The following FAM135A variants were observed in gnomAD, a reference collection of about 807,000 sequenced individuals.
FAM135A encodes family with sequence similarity 135 member A, also known as protein FAM135A.
Under a neutral mutation model 146.8 loss-of-function variants are expected in FAM135A, and 79 were observed. The ratio of observed to expected loss-of-function variants is 0.54; its 90% CI spans 0.45 to 0.65. The LOEUF is 0.65. Among genes scored for constraint, FAM135A ranks in the 30% least tolerant of loss-of-function variants. FAM135A has a pLI of 0.00. For synonymous variants in FAM135A, 562 were observed against 603.6 expected (o/e 0.93, Z 1.01); for missense variants, 1,623 against 1,758.2 (o/e 0.92, Z 1.38).
Position 70,526,027 on chromosome 6 carries a change from A to G in FAM135A, c.2943A>G (p.Ser981=). 4.3e-6 allele frequency: 7 copies of G among 1,612,042 alleles called. No homozygotes were observed. Among genetic ancestry groups the G allele is most frequent in the Non-Finnish European group, 5.9e-6 (7 of 1,179,282 alleles). Residue 981 remains serine, a synonymous_variant, in exon 15 of 22, where the codon TCA becomes TCG. Transcript: ENST00000418814. Reference sequence around the variant, plus strand: ...GTTTAGGCACTCCTTGTGTCATTTCAGGTTCCATTTCTAGTAATACAGATG... The same window carrying G: ...GTTTAGGCACTCCTTGTGTCATTTCGGGTTCCATTTCTAGTAATACAGATG... ...LICLGTPCVI[S]GSISSNTDVS...
rs978524616 is a variant in FAM135A, at chr6:70,512,617, T to G, written c.1029+9826T>G. The stretch of plus-strand genomic sequence containing the variant: ...CTCTGCTGACTCCTGATATTGAGGG[T>G]TTTTGTTATGACTTTAGTTTTGTAA... On this transcript the variant is annotated intron_variant, in intron 12 of 21. Coordinates refer to ENST00000418814, the MANE Select transcript of FAM135A (RefSeq NM_001162529.3). Among the ~76,000 whole-genome samples, 5 of 151,800 alleles carry G rather than the reference T, an allele frequency of 3.3e-5. No homozygotes were observed. The East Asian group carries it at 5.8e-4, about 18-fold the overall frequency.
rs1792865687 is a variant in FAM135A, at chr6:70,518,753, T to C, written c.1030-3760T>C. On this transcript the variant is annotated intron_variant, in intron 12 of 21. Coordinates refer to ENST00000418814, the MANE Select transcript of FAM135A (RefSeq NM_001162529.3). ...TACAGCACATCTGTTTACAGCATGG[T>C]TTACTAAATATTTTAAGCCCACTGT... Among the ~76,000 whole-genome samples the C allele has an allele frequency of 2.0e-5, 3 of 152,248 alleles. No homozygotes were observed. In the South Asian group the frequency reaches 6.2e-4, roughly 32 times the overall value.
intron 8 of FAM135A, 141 bp from the exon 9 acceptor site, chr6:70,480,760 A>C: frequency 1.6e-6 from 1 of 627,718 alleles, no homozygotes; most frequent in Admixed American, 4.0e-5. Flanking sequence ...TATTTTTTAA[A>C]ATTACTTTAG....
chr6:70,438,417 A>C (rs759950105), intron 4 of FAM135A, among the ~76,000 whole-genome samples: 5 of 152,218 alleles, frequency 3.3e-5, no homozygotes, highest in Non-Finnish European at 5.9e-5. Context: ...TAAATTGCAC[A>C]CCATTCTGAA....
chr6:70,457,214 G>A (rs2128073395), intron 5 of FAM135A, among the ~76,000 whole-genome samples: 1 of 152,228 alleles, frequency 6.6e-6, no homozygotes, highest in East Asian at 1.9e-4. Flanking sequence ...AGTAATTTAT[G>A]AGCTAAATAC....
chr6:70,480,882 G>T lies in FAM135A; in HGVS notation c.543-19G>T. The T allele has an allele frequency of 1.3e-6, 2 of 1,599,652 alleles. No individual in the cohort carries two copies. Among genetic ancestry groups the T allele is most frequent in the Non-Finnish European group, 1.7e-6 (2 of 1,175,066 alleles). On this transcript the variant is annotated intron_variant, in intron 8 of 21. Transcript: ENST00000418814. ...AATAGACTCGTATGACAATAATAATGTAATACTTCTTCCTCCAGCTTTCCT... is the reference window on the plus strand; with the variant it reads ...AATAGACTCGTATGACAATAATAATTTAATACTTCTTCCTCCAGCTTTCCT...
intron 12 of FAM135A, among the ~76,000 whole-genome samples, chr6:70,519,348 T>G (rs1793026075): frequency 6.6e-6 from 1 of 152,200 alleles, no homozygotes; most frequent in Non-Finnish European, 1.5e-5. Context: ...TAGACTCTAC[T>G]CCTGGTGAAG....
At chr6:70,472,029 GGTA>G (rs767372809) in intron 5 of FAM135A, among the ~76,000 whole-genome samples, 15 of 152,090 alleles carry the variant, frequency 9.9e-5, no homozygotes, top group Non-Finnish European at 5.9e-5. Context: ...GATAGTGAGT[GGTA>G]CTGTGCTGTC....
intron 11 of FAM135A, among the ~76,000 whole-genome samples, chr6:70,496,056 G>A (rs1787170114): frequency 6.6e-6 from 1 of 152,126 alleles, no homozygotes. Context: ...ATTTGGGTTG[G>A]TTCCAAGTCT....
intron 5 of FAM135A, among the ~76,000 whole-genome samples, chr6:70,466,583 T>C (rs572672573): frequency 1.2e-4 from 19 of 152,356 alleles, no homozygotes; most frequent in Admixed American, 1.2e-3. Flanking sequence ...AAGAGTGAAT[T>C]GTGTAAAACA....
At chr6:70,496,825 G>A (rs1787380806) in intron 11 of FAM135A, among the ~76,000 whole-genome samples, 2 of 151,810 alleles carry the variant, frequency 1.3e-5, no homozygotes, top group South Asian at 4.2e-4. Flanking sequence ...TAGATGTGTG[G>A]TGATATTTCT....
intron 1 of FAM135A, chr6:70,413,930 C>T: frequency 1.0e-6 from 1 of 985,406 alleles, no homozygotes; most frequent in Admixed American, 6.1e-5. Context: ...GGGGCCGCGG[C>T]GCGCTGCTCT....
chr6:70,452,678 A>G, intron 5 of FAM135A, 107 bp downstream of exon 5: 1 of 672,498 alleles, frequency 1.5e-6, no homozygotes, highest in South Asian at 2.7e-5. Context: ...GTATAACATC[A>G]TTATGATAAC....
intron 2 of FAM135A, among the ~76,000 whole-genome samples, chr6:70,423,544 C>T (rs1227536680): frequency 2.6e-5 from 4 of 152,122 alleles, no homozygotes; most frequent in Non-Finnish European, 1.5e-5. Flanking sequence ...GTTGGTATTC[C>T]AGCCTGTAAG....
At position 70,524,799 on chromosome 6, in the gene FAM135A, A is replaced by G. The variant is rs1794332302; in HGVS notation, c.1715A>G (p.Glu572Gly). The G allele has an allele frequency of 1.3e-6, 2 of 1,554,528 alleles. No homozygotes were observed. The highest frequency in any genetic ancestry group is 1.7e-6 in the Non-Finnish European group (2 of 1,148,470). ...KTYMRQTSQK[E>G]ASCLPTNTER... ...TACATGAGACAGACAAGTCAAAAGG[A>G]AGCTAGCTGTTTGCCAACTAATACA... is the stretch of plus-strand genomic sequence containing the variant. The change falls in exon 15 of 22, where the codon GAA becomes GGA. Residue 572 changes from glutamate to glycine, a missense_variant. This residue lies in a region of FAM135A where 1,061 missense variants were observed against 1,113.8 expected (regional missense o/e 0.95). Coordinates refer to ENST00000418814, the MANE Select transcript of FAM135A (RefSeq NM_001162529.3).
chr6:70,501,846 G>T (rs1788636962), intron 11 of FAM135A, among the ~76,000 whole-genome samples: 1 of 152,184 alleles, frequency 6.6e-6, no homozygotes, highest in Non-Finnish European at 1.5e-5. Context: ...TGGAAATGCA[G>T]AAATCACCCA....
chr6:70,487,340 G>A lies in FAM135A; in HGVS notation c.824-3694G>A, dbSNP rs186296103. Among the ~76,000 whole-genome samples the A allele has an allele frequency of 3.0e-3, 460 of 152,060 alleles. 2 individuals carry two copies. The highest frequency in any genetic ancestry group is 4.9e-3 in the Non-Finnish European group (332 of 67,974). On this transcript the variant is annotated intron_variant, in intron 10 of 21. Transcript: ENST00000418814. ...ATATATGTTAGACTTTTCTTGAATA[G>A]CCATAATTTATTATCTATGAGTATA...
chr6:70,423,605 T>C (rs1769349983), intron 2 of FAM135A, among the ~76,000 whole-genome samples: 1 of 152,150 alleles, frequency 6.6e-6, no homozygotes. Flanking sequence ...TTTAAACAAG[T>C]GAAGCAGATA....
At chr6:70,493,874 G>A (rs890181366) in intron 11 of FAM135A, among the ~76,000 whole-genome samples, 1 of 151,926 alleles carries the variant, frequency 6.6e-6, no homozygotes, top group Non-Finnish European at 1.5e-5. Flanking sequence ...CCAACATGGC[G>A]AAACCACATC....
Sources: gnomAD v4.1 joint callset for allele counts (sites outside exome capture counted in the v4.1 genomes callset) on GRCh38, gnomAD v4.1.1 for gene constraint, gnomAD v4.1.1 regional missense constraint, MANE v1.5 for transcripts, NCBI Gene and HGNC (gene_info 2026-07-23, HGNC 2026-07-21) for gene names.